SYT1: variants seen among roughly 807,000 people sequenced by gnomAD.
The protein encoded by SYT1 is synaptotagmin 1.
A neutral mutation model predicts 44.8 loss-of-function variants in SYT1; 8 were observed. The observed-to-expected ratio is 0.18, with a 90% CI of 0.10 to 0.32. SYT1 has a LOEUF of 0.32. Among genes scored for constraint, SYT1 ranks in the 10% least tolerant of loss-of-function variants. The pLI is 1.00. For missense variants in SYT1, 286 were observed against 509.3 expected (o/e 0.56, Z 4.22); for synonymous variants, 154 against 188.8 (o/e 0.82, Z 1.51).
intron 4 of SYT1, among the ~76,000 whole-genome samples, chr12:79,269,945 T>C (rs1878334236): frequency 6.6e-6 from 1 of 152,200 alleles, no homozygotes; most frequent in African/African-American, 2.4e-5. Flanking sequence ...TCTATGAGAC[T>C]TTACATACTT....
At position 78,943,971 on chromosome 12, in the gene SYT1, T is replaced by C. The variant is rs184505773; in HGVS notation, c.-216-33828T>C. The stretch of plus-strand genomic sequence containing the variant: ...TGTTGAATTAGTTGCATATTATCAC[T>C]AATTTTGCATAATTATATGTGTTTC... On this transcript the variant is annotated intron_variant, in intron 1 of 10. Transcript: ENST00000261205. Among the ~76,000 whole-genome samples the C allele has an allele frequency of 3.7e-3, 565 of 152,322 alleles. 1 individual carries two copies. The highest frequency in any genetic ancestry group is 6.5e-3 in the Non-Finnish European group (441 of 68,040).
chr12:79,013,931 T>C (rs750789778), intron 2 of SYT1, among the ~76,000 whole-genome samples: 9 of 151,744 alleles, frequency 5.9e-5, no homozygotes, highest in Non-Finnish European at 1.2e-4. Flanking sequence ...ATTGAGACCC[T>C]CCTGGCCAAC....
intron 4 of SYT1, among the ~76,000 whole-genome samples, chr12:79,247,311 A>G (rs1403899990): frequency 6.6e-6 from 1 of 152,190 alleles, no homozygotes; most frequent in East Asian, 1.9e-4. Flanking sequence ...GCTTTTAAAA[A>G]GATATCTGAA....
At chr12:79,384,434 C>A (rs1407289395) in intron 9 of SYT1, among the ~76,000 whole-genome samples, 1 of 152,104 alleles carries the variant, frequency 6.6e-6, no homozygotes, top group Non-Finnish European at 1.5e-5. Context: ...AAATAAGTGA[C>A]AACTTACATT....
chr12:78,911,567 A>G (rs1236643167), intron 1 of SYT1, among the ~76,000 whole-genome samples: 2 of 148,346 alleles, frequency 1.3e-5, no homozygotes, highest in African/African-American at 5.0e-5. Flanking sequence ...ATGCTGTATC[A>G]AAAAAAAAAC....
At chr12:79,069,031 G>T (rs1360624839) in intron 3 of SYT1, among the ~76,000 whole-genome samples, 1 of 152,102 alleles carries the variant, frequency 6.6e-6, no homozygotes, top group African/African-American at 2.4e-5. Context: ...TACTCTTCCT[G>T]CATATACAGG....
chr12:79,291,592 G>A (rs1018742975), intron 5 of SYT1, among the ~76,000 whole-genome samples: 3 of 152,162 alleles, frequency 2.0e-5, no homozygotes, highest in Non-Finnish European at 4.4e-5. Flanking sequence ...TTATTCCACT[G>A]CATGTAGCGA....
Position 79,252,751 on chromosome 12 carries a change from C to A in SYT1, c.167-33036C>A, listed in dbSNP as rs747581154. Reference sequence around the variant, plus strand: ...TTGTGGTGTTATACCCCTGAGACTTCGGATTGTTTGTGACATTACTGGTGC... The same window carrying A: ...TTGTGGTGTTATACCCCTGAGACTTAGGATTGTTTGTGACATTACTGGTGC... On this transcript the variant is annotated intron_variant, in intron 4 of 10. Coordinates refer to ENST00000261205, the MANE Select transcript of SYT1 (RefSeq NM_005639.3). Among the ~76,000 whole-genome samples the A allele has an allele frequency of 9.9e-5, 15 of 152,108 alleles. 1 individual carries two copies. Among genetic ancestry groups the A allele is most frequent in the Non-Finnish European group, 2.2e-4 (15 of 67,996 alleles).
chr12:79,431,595 G>A (rs1214900727), intron 9 of SYT1, among the ~76,000 whole-genome samples: 3 of 150,634 alleles, frequency 2.0e-5, no homozygotes, highest in African/African-American at 7.3e-5. Context: ...TGGAGTTGGA[G>A]TGCAATGGCA....
chr12:79,000,334 C>CCCAGCGTG (rs1870657116), intron 2 of SYT1, among the ~76,000 whole-genome samples: 1 of 138,286 alleles, frequency 7.2e-6, no homozygotes, highest in Non-Finnish European at 1.5e-5. Flanking sequence ...GCTCTAGTTG[C>CCCAGCGTG]CCAGCGTGGA....
intron 1 of SYT1, among the ~76,000 whole-genome samples, chr12:78,892,334 T>C (rs1376984462): frequency 6.6e-6 from 1 of 151,834 alleles, no homozygotes; most frequent in Non-Finnish European, 1.5e-5. Context: ...TAGTACATTT[T>C]AGGTTCTGCA....
chr12:79,062,823 T>A (rs1875490769), intron 3 of SYT1, among the ~76,000 whole-genome samples: 1 of 152,188 alleles, frequency 6.6e-6, no homozygotes, highest in African/African-American at 2.4e-5. Flanking sequence ...AACTACCATT[T>A]ATCGAATGCC....
At chr12:79,255,134 C>T (rs913813248) in intron 4 of SYT1, among the ~76,000 whole-genome samples, 7 of 152,172 alleles carry the variant, frequency 4.6e-5, no homozygotes, top group African/African-American at 1.7e-4. Context: ...AGAAAGCTTT[C>T]ATGAAAGGAA....
intron 9 of SYT1, among the ~76,000 whole-genome samples, chr12:79,384,943 C>T (rs1565936000): frequency 6.6e-6 from 1 of 151,706 alleles, no homozygotes; most frequent in East Asian, 1.9e-4. Flanking sequence ...TAGTTATTCC[C>T]ACCAAGCAAT....
rs1565920012 is a variant in SYT1 at position 79,349,057 on chromosome 12, G to GA, written c.811-4445_811-4444insA. ...AAAAAGAAAGAAAGAAAGAAAGAAAGGAGGGAGGGAGGGAGGGAGGGAAGG... is the reference window on the plus strand; with the variant it reads ...AAAAAGAAAGAAAGAAAGAAAGAAAGAGAGGGAGGGAGGGAGGGAGGGAAGG... On this transcript the variant is annotated intron_variant, in intron 8 of 10. Coordinates refer to ENST00000261205, the MANE Select transcript of SYT1 (RefSeq NM_005639.3). 1.8e-3 allele frequency among the ~76,000 whole-genome samples: 247 copies of GA among 134,970 alleles called. 1 individual carries two copies. Among genetic ancestry groups the GA allele is most frequent in the African/African-American group, 5.8e-3 (198 of 34,282 alleles). 88.5% of individuals were successfully genotyped at this position (134,970 alleles called of 152,430 possible). A position where few individuals can be genotyped will look rare whatever the true frequency, so the allele number is the denominator to read the frequency against.
At chr12:79,273,849 G>T (rs1159618695) in intron 4 of SYT1, among the ~76,000 whole-genome samples, 2 of 152,214 alleles carry the variant, frequency 1.3e-5, no homozygotes, top group East Asian at 1.9e-4. Flanking sequence ...ACTTTGGAAG[G>T]CCGATGCTGG....
chr12:78,985,383 A>C (rs1869571806), intron 2 of SYT1, among the ~76,000 whole-genome samples: 1 of 151,914 alleles, frequency 6.6e-6, no homozygotes, highest in Non-Finnish European at 1.5e-5. Flanking sequence ...TCTAAGAAAG[A>C]AGAATATATT....
chr12:79,209,557 C>T (rs187314744), intron 3 of SYT1, among the ~76,000 whole-genome samples: 1 of 152,212 alleles, frequency 6.6e-6, no homozygotes, highest in African/African-American at 2.4e-5. Context: ...ATCCACCACT[C>T]ATTGTGTGAA....
At chr12:79,223,308 C>A (rs1331653349) in intron 4 of SYT1, among the ~76,000 whole-genome samples, 1 of 152,224 alleles carries the variant, frequency 6.6e-6, no homozygotes, top group African/African-American at 2.4e-5. Context: ...ATCAGAAGCC[C>A]AGGACAGTTG....
Sources: allele counts gnomAD v4.1 joint callset (sites outside exome capture counted in the v4.1 genomes callset), GRCh38; gene constraint gnomAD v4.1.1; transcripts MANE v1.5; gene names NCBI Gene and HGNC (gene_info 2026-07-23, HGNC 2026-07-21).